Variants in CSMD1 observed in about 807,000 individuals in gnomAD.
The protein encoded by CSMD1 is CUB and sushi domain-containing protein 1.
In CSMD1, 213 loss-of-function variants were observed where a neutral mutation model predicts 417.5. That is an observed-to-expected ratio of 0.51 (90% confidence interval 0.46 to 0.57). CSMD1 has a LOEUF of 0.57. Among genes scored for constraint, CSMD1 ranks in the 20% least tolerant of loss-of-function variants. The probability of loss-of-function intolerance (pLI) is 0.00; values close to 1 mark genes in which losing one functional copy is unlikely to be tolerated. For synonymous variants in CSMD1, 2,862 were observed against 1,736.8 expected (o/e 1.65, Z -16.11); for missense variants, 6,923 against 4,529.7 (o/e 1.53, Z -15.17).
intron 3 of CSMD1, among the ~76,000 whole-genome samples, chr8:4,108,009 C>T (rs78373767): frequency 5.3e-5 from 8 of 150,990 alleles, no homozygotes; most frequent in South Asian, 2.1e-4. Context: ...AAGGGAAAGA[C>T]AGAAAGACTG....
intron 10 of CSMD1, among the ~76,000 whole-genome samples, chr8:3,568,530 A>T (rs1178832819): frequency 1.3e-5 from 2 of 152,226 alleles, no homozygotes; most frequent in Non-Finnish European, 2.9e-5. Context: ...TTGCACAAGA[A>T]GCTCAAATTA....
At chr8:4,539,481 C>G (rs1422371506) in intron 2 of CSMD1, among the ~76,000 whole-genome samples, 1 of 152,124 alleles carries the variant, frequency 6.6e-6, no homozygotes, top group African/African-American at 2.4e-5. Flanking sequence ...AAAATATAAG[C>G]AAATATCTTT....
At chr8:3,763,845 G>A (rs936538355) in intron 5 of CSMD1, among the ~76,000 whole-genome samples, 7 of 152,094 alleles carry the variant, frequency 4.6e-5, no homozygotes, top group African/African-American at 1.7e-4. Context: ...CTATTCACAT[G>A]GAATGATTTC....
chr8:4,468,133 TA>T (rs1024761631), intron 2 of CSMD1, among the ~76,000 whole-genome samples: 6 of 152,092 alleles, frequency 3.9e-5, no homozygotes, highest in Admixed American at 6.5e-5. Context: ...ACTTTTTGAC[TA>T]AAAAAAGCCT....
chr8:3,366,586 C>T (rs1401407232), intron 20 of CSMD1, among the ~76,000 whole-genome samples: 2 of 152,060 alleles, frequency 1.3e-5, no homozygotes, highest in Admixed American at 6.6e-5. Flanking sequence ...CTGTGTGTGT[C>T]CACCTGCTTC....
At chr8:4,035,501 T>G (rs1392137440) in intron 3 of CSMD1, among the ~76,000 whole-genome samples, 1 of 142,822 alleles carries the variant, frequency 7.0e-6, no homozygotes, top group Non-Finnish European at 1.5e-5. Flanking sequence ...TACCTGTCCT[T>G]GCCCCGAAGA....
At chr8:3,950,027 G>C (rs901093831) in intron 5 of CSMD1, 4 of 455,658 alleles carry the variant, frequency 8.8e-6, no homozygotes, top group Admixed American at 4.7e-5. Flanking sequence ...GGCATTTCCT[G>C]TGCGTATTTG....
intron 23 of CSMD1, among the ~76,000 whole-genome samples, chr8:3,324,404 G>C (rs1403632912): frequency 8.3e-6 from 1 of 119,946 alleles, no homozygotes; most frequent in African/African-American, 3.2e-5. Flanking sequence ...CCTACCTTTG[G>C]TCACTGTTAA....
chr8:4,617,552 T>C (rs1801539752), intron 2 of CSMD1, among the ~76,000 whole-genome samples: 1 of 152,158 alleles, frequency 6.6e-6, no homozygotes, highest in Admixed American at 6.5e-5. Context: ...TCTGATTCCA[T>C]CATGGTGGCG....
intron 6 of CSMD1, among the ~76,000 whole-genome samples, chr8:3,741,983 T>TTC (rs1300892530): frequency 6.6e-6 from 1 of 151,796 alleles, no homozygotes. Flanking sequence ...ATCTTGGTTT[T>TTC]TTTTTTTTTT....
At chr8:4,022,945 G>C (rs921259835) in intron 4 of CSMD1, among the ~76,000 whole-genome samples, 1 of 152,172 alleles carries the variant, frequency 6.6e-6, no homozygotes, top group African/African-American at 2.4e-5. Flanking sequence ...GAAAAATAAG[G>C]ATAATTCAAA....
At chr8:4,340,298 C>T (rs1009662333) in intron 3 of CSMD1, among the ~76,000 whole-genome samples, 1 of 151,992 alleles carries the variant, frequency 6.6e-6, no homozygotes, top group Admixed American at 6.6e-5. Flanking sequence ...TCTGTGTTTG[C>T]AAGGCATCTC....
At chr8:4,113,181 C>G (rs1459369060) in intron 3 of CSMD1, among the ~76,000 whole-genome samples, 2 of 152,032 alleles carry the variant, frequency 1.3e-5, no homozygotes, top group African/African-American at 2.4e-5. Context: ...GCCCCAGAGA[C>G]ACAACAATAT....
intron 12 of CSMD1, among the ~76,000 whole-genome samples, chr8:3,431,770 T>A (rs1499691): frequency 6.6e-5 from 10 of 152,068 alleles, no homozygotes; most frequent in South Asian, 2.1e-4. Context: ...GTTCAATGAC[T>A]TTGAAAATTT....
At chr8:3,216,111 AT>A (rs1797867811) in intron 29 of CSMD1, among the ~76,000 whole-genome samples, 1 of 150,902 alleles carries the variant, frequency 6.6e-6, no homozygotes. Context: ...ATACATATAT[AT>A]TTTATATACA....
chr8:3,998,015 A>T lies in CSMD1; in HGVS notation c.706T>A (p.Trp236Arg). ...TCCCCGGGCTCAGCCAGAATGGTCC[A>T]GGTGCAGTCCGCGTTGTTCTCGTAC... Reference protein sequence around the residue: ...SEYENNADCTWTILAEPGDTI... With the variant: ...SEYENNADCTRTILAEPGDTI... Residue 236 changes from tryptophan (W) to arginine (R), a missense_variant, in exon 5 of 70, where the codon TGG (tryptophan) becomes AGG (arginine). Physicochemically the swap from Trp to Arg is moderately radical, Grantham distance 101. Coordinates refer to ENST00000635120, the MANE Select transcript of CSMD1 (RefSeq NM_033225.6). 6.2e-7 allele frequency: 1 copy of T among 1,608,820 alleles called. No homozygotes were observed. Among genetic ancestry groups the T allele is most frequent in the Non-Finnish European group, 8.5e-7 (1 of 1,177,426 alleles).
chr8:4,220,272 T>C (rs1350087867), intron 3 of CSMD1, among the ~76,000 whole-genome samples: 2 of 152,188 alleles, frequency 1.3e-5, no homozygotes, highest in Non-Finnish European at 2.9e-5. Context: ...TAGAGATACT[T>C]GTCAGTGAGG....
intron 7 of CSMD1, among the ~76,000 whole-genome samples, chr8:3,630,748 C>G (rs73660401): frequency 0.024 from 3,627 of 152,154 alleles, 132 homozygotes; most frequent in African/African-American, 0.08. Flanking sequence ...GCCACTGAGC[C>G]AACGGTGGTA....
intron 5 of CSMD1, among the ~76,000 whole-genome samples, chr8:3,986,738 T>A (rs955576149): frequency 6.6e-6 from 1 of 151,398 alleles, no homozygotes; most frequent in Non-Finnish European, 1.5e-5. Flanking sequence ...CTCAAAGGCC[T>A]GCTTTTACAA....
Sources: allele counts gnomAD v4.1 joint callset (sites outside exome capture counted in the v4.1 genomes callset), GRCh38; gene constraint gnomAD v4.1.1; transcripts MANE v1.5; gene names NCBI Gene and HGNC (gene_info 2026-07-23, HGNC 2026-07-21).